MTMR14: variants seen among roughly 807,000 people sequenced by gnomAD.
MTMR14 encodes the protein phosphatidylinositol-3,5-bisphosphate 3-phosphatase MTMR14.
Under a neutral mutation model 86.3 loss-of-function variants are expected in MTMR14, and 48 were observed. That is an observed-to-expected ratio of 0.56 (90% CI 0.44 to 0.71). MTMR14 has a LOEUF of 0.71. MTMR14 is among the 30% of genes least tolerant of loss of function. MTMR14 has a pLI of 0.00. For synonymous variants in MTMR14, 366 were observed against 326.1 expected (o/e 1.12, Z -1.32); for missense variants, 780 against 834.6 (o/e 0.93, Z 0.81).
chr3:9,668,857 G>A (rs536394977), intron 4 of MTMR14, 63 bp downstream of exon 4: 10 of 1,560,628 alleles, frequency 6.4e-6, no homozygotes, highest in East Asian at 4.5e-5. Context: ...ATAGCTACCC[G>A]GGCCGGGCGC....
intron 7 of MTMR14, among the ~76,000 whole-genome samples, chr3:9,676,364 C>CAAA (rs2075574643): frequency 6.6e-6 from 1 of 152,246 alleles, no homozygotes; most frequent in African/African-American, 2.4e-5. Flanking sequence ...AGGGGCAGGC[C>CAAA]ACAGCCCGGG....
At chr3:9,678,177 G>A (rs2075646119) in intron 9 of MTMR14, 119 bp downstream of exon 9, 1 of 921,198 alleles carries the variant, frequency 1.1e-6, no homozygotes, top group East Asian at 2.6e-5. Context: ...TGTGCACTCA[G>A]ATGCCTTTGG....
intron 9 of MTMR14, 32 bp downstream of exon 9, chr3:9,678,090 G>T: frequency 6.2e-7 from 1 of 1,610,574 alleles, no homozygotes; most frequent in East Asian, 2.2e-5. Flanking sequence ...TTGAGGGCAG[G>T]ATAAGGGAGT....
chr3:9,671,387 G>T (rs1013827118), intron 6 of MTMR14, among the ~76,000 whole-genome samples: 25 of 152,152 alleles, frequency 1.6e-4, no homozygotes, highest in Non-Finnish European at 3.2e-4. Flanking sequence ...TGCTCAGGTT[G>T]TATGTTAGTG....
intron 7 of MTMR14, among the ~76,000 whole-genome samples, chr3:9,673,579 C>G (rs375743060): frequency 1.3e-5 from 2 of 152,260 alleles, no homozygotes; most frequent in South Asian, 2.1e-4. Flanking sequence ...CATCTGCCTT[C>G]AGTGTTGTGT....
intron 2 of MTMR14, among the ~76,000 whole-genome samples, chr3:9,660,486 C>T (rs2047867959): frequency 1.3e-5 from 2 of 152,162 alleles, no homozygotes; most frequent in Admixed American, 1.3e-4. Context: ...GTTTTGAACT[C>T]CCAACCTCAA....
At chr3:9,674,723 AGTAAAG>A (rs2048759918) in intron 7 of MTMR14, among the ~76,000 whole-genome samples, 2 of 152,356 alleles carry the variant, frequency 1.3e-5, no homozygotes, top group South Asian at 4.1e-4. Flanking sequence ...CTCTCAACTA[AGTAAAG>A]GAAAATGTGC....
intron 2 of MTMR14, chr3:9,659,640 C>T (rs1173468868): frequency 6.6e-6 from 3 of 452,022 alleles, no homozygotes; most frequent in Non-Finnish European, 8.9e-6. Context: ...GACGGGGTTT[C>T]ACCATGTTGG....
intron 10 of MTMR14, chr3:9,683,517 A>G (rs991385143): frequency 2.1e-5 from 9 of 431,594 alleles, no homozygotes; most frequent in East Asian, 4.7e-5. Flanking sequence ...GCATTGCACA[A>G]CAGCATTGTG....
chr3:9,699,087 G>A (rs1575098192), intron 18 of MTMR14, among the ~76,000 whole-genome samples: 1 of 151,056 alleles, frequency 6.6e-6, no homozygotes, highest in African/African-American at 2.4e-5. Context: ...CAGGAGAATC[G>A]TTTGAACCTG....
intron 2 of MTMR14, among the ~76,000 whole-genome samples, chr3:9,658,163 T>G (rs2125004087): frequency 6.6e-6 from 1 of 152,326 alleles, no homozygotes; most frequent in East Asian, 1.9e-4. Flanking sequence ...AAGGGGGGAC[T>G]TCGGGTATGT....
chr3:9,684,500 C>A, intron 10 of MTMR14, 85 bp from the exon 11 acceptor site: 2 of 1,354,766 alleles, frequency 1.5e-6, no homozygotes, highest in Non-Finnish European at 2.1e-6. Context: ...TGGCTCCCTC[C>A]ACCAGGCCAA....
chr3:9,682,226 C>T (rs2125245152), intron 9 of MTMR14, among the ~76,000 whole-genome samples: 2 of 152,348 alleles, frequency 1.3e-5, no homozygotes, highest in African/African-American at 4.8e-5. Flanking sequence ...TCTGTAGTCA[C>T]TAAAAGTGGG....
rs1449638776 is a variant in MTMR14, at chr3:9,677,201, AGT to A, written c.752-112_752-111del. On this transcript the variant is annotated intron_variant, in intron 7 of 18. Transcript: ENST00000296003. This position sits in a 1 kb window ranked among gnomAD's most constrained non-coding sequence, Gnocchi z 4.2. ...CTCACTGAAGCCACTAGCTTGGAGAAGTGTGAGTTGGCGGCCCCCTCTCCACA... is the reference window on the plus strand; with the variant it reads ...CTCACTGAAGCCACTAGCTTGGAGAAGTGAGTTGGCGGCCCCCTCTCCACA... The A allele has an allele frequency of 1.2e-6, 1 of 858,084 alleles. No individual in the cohort carries two copies. The highest frequency in any genetic ancestry group is 1.9e-6 in the Non-Finnish European group (1 of 518,084). 53.2% of individuals were successfully genotyped at this position (858,084 alleles called of 1,614,324 possible). A position where few individuals can be genotyped will look rare whatever the true frequency, so the allele number is the denominator to read the frequency against.
chr3:9,678,641 T>G (rs1036427243), intron 9 of MTMR14, among the ~76,000 whole-genome samples: 8 of 152,254 alleles, frequency 5.3e-5, no homozygotes, highest in Non-Finnish European at 1.5e-5. Flanking sequence ...TCTGCCTGGC[T>G]GCCACCTCTC....
intron 1 of MTMR14, among the ~76,000 whole-genome samples, chr3:9,652,465 G>A (rs2047357332): frequency 6.6e-6 from 1 of 152,216 alleles, no homozygotes; most frequent in African/African-American, 2.4e-5. Flanking sequence ...TAAAGAATGG[G>A]GAAGAGGGCC....
In MTMR14 at chr3:9,659,569, G is replaced by A. The variant is rs1341358187; in HGVS notation, c.309-2698G>A. 34 of 376,052 alleles carry A rather than the reference G, an allele frequency of 9.0e-5. 1 individual carries two copies. The highest frequency in any genetic ancestry group is 5.9e-4 in the South Asian group (30 of 50,646). 23.3% of individuals were successfully genotyped at this position (376,052 alleles called of 1,614,324 possible). A position where few individuals can be genotyped will look rare whatever the true frequency, so the allele number is the denominator to read the frequency against. ...AGCAATTCTCCTGCCTCAGCCTCCC[G>A]AGTAGCTGGGATTAGAGGCGCGTGC... On this transcript the variant is annotated intron_variant, in intron 2 of 18. Coordinates refer to ENST00000296003, the MANE Select transcript of MTMR14 (RefSeq NM_001077525.3).
intron 1 of MTMR14, among the ~76,000 whole-genome samples, chr3:9,650,966 T>A (rs2047250901): frequency 6.6e-6 from 1 of 152,024 alleles, no homozygotes; most frequent in South Asian, 2.1e-4. Context: ...TTATTGTAGT[T>A]TTTAGTAGAG....
At chr3:9,651,969 G>GTC (rs1446205947) in intron 1 of MTMR14, among the ~76,000 whole-genome samples, 2 of 152,034 alleles carry the variant, frequency 1.3e-5, no homozygotes, top group Non-Finnish European at 2.9e-5. Context: ...GTAGGTGGGA[G>GTC]TACAGGCGCC....
Sources: gnomAD v4.1 joint callset for allele counts (sites outside exome capture counted in the v4.1 genomes callset) on GRCh38, gnomAD v4.1.1 for gene constraint, Gnocchi (gnomAD v3.1) non-coding constraint, MANE v1.5 for transcripts, NCBI Gene and HGNC (gene_info 2026-07-23, HGNC 2026-07-21) for gene names.